Variants in CHST11 observed in about 807,000 individuals in gnomAD.
CHST11 encodes C4S-1.
CHST11 carries 9 observed loss-of-function variants against 30.4 expected under a neutral mutation model. That is an observed-to-expected ratio of 0.30 (90% CI 0.18 to 0.52). CHST11 has a LOEUF of 0.52. Ranked by LOEUF, CHST11 falls within the 20% of genes least tolerant of loss-of-function variation. The pLI is 0.97. For synonymous variants in CHST11, 152 were observed against 187.8 expected, an observed-to-expected ratio of 0.81 and a Z score of 1.56; for missense variants, 348 against 460.6, an observed-to-expected ratio of 0.76 and a Z score of 2.24.
intron 2 of CHST11, among the ~76,000 whole-genome samples, chr12:104,647,332 G>A (rs1016892831): frequency 2.6e-5 from 4 of 152,014 alleles, no homozygotes; most frequent in African/African-American, 9.7e-5. Context: ...CTAAACACTT[G>A]CCTTTGATAT....
At chr12:104,591,054 G>T (rs2038853272) in intron 1 of CHST11, among the ~76,000 whole-genome samples, 2 of 152,210 alleles carry the variant, frequency 1.3e-5, no homozygotes. Context: ...GTAAAGAAGA[G>T]AACAGTTGTT....
chr12:104,604,298 G>C (rs1358111698), intron 2 of CHST11, among the ~76,000 whole-genome samples: 1 of 152,176 alleles, frequency 6.6e-6, no homozygotes, highest in African/African-American at 2.4e-5. Flanking sequence ...GGAGGGCGTA[G>C]GTGGATGAGT....
At chr12:104,726,056 G>T (rs2040214221) in intron 2 of CHST11, among the ~76,000 whole-genome samples, 1 of 152,166 alleles carries the variant, frequency 6.6e-6, no homozygotes, top group Non-Finnish European at 1.5e-5. Context: ...CAAGAACAAG[G>T]CCTATGGTGA....
chr12:104,502,406 G>T (rs780529948), intron 1 of CHST11, among the ~76,000 whole-genome samples: 1 of 152,052 alleles, frequency 6.6e-6, no homozygotes, highest in Non-Finnish European at 1.5e-5. Context: ...ATAATAATTG[G>T]CCAGATGACT....
At chr12:104,483,814 G>T (rs930992359) in intron 1 of CHST11, among the ~76,000 whole-genome samples, 6 of 152,182 alleles carry the variant, frequency 3.9e-5, no homozygotes, top group African/African-American at 1.4e-4. Context: ...AATGACCCAG[G>T]TGAGGCCTGG....
At chr12:104,493,228 C>T (rs1023439186) in intron 1 of CHST11, among the ~76,000 whole-genome samples, 1 of 152,178 alleles carries the variant, frequency 6.6e-6, no homozygotes, top group African/African-American at 2.4e-5. Flanking sequence ...TGGCCTCAGC[C>T]ATTCACATTC....
chr12:104,505,600 A>G (rs2037898008), intron 1 of CHST11, among the ~76,000 whole-genome samples: 1 of 152,214 alleles, frequency 6.6e-6, no homozygotes. Context: ...TCACAGCTGT[A>G]CCATCAACTA....
intron 2 of CHST11, among the ~76,000 whole-genome samples, chr12:104,709,963 G>A (rs964603341): frequency 2.0e-5 from 3 of 152,148 alleles, no homozygotes; most frequent in African/African-American, 4.8e-5. Context: ...TTGGGACACC[G>A]AGGTGGGAGG....
intron 2 of CHST11, among the ~76,000 whole-genome samples, chr12:104,739,335 A>G (rs1242279716): frequency 2.0e-5 from 3 of 152,198 alleles, no homozygotes; most frequent in African/African-American, 7.2e-5. Context: ...TCATTACTAC[A>G]TTGGCCTGAA....
chr12:104,640,484 C>T lies in CHST11; in HGVS notation c.204+38493C>T, dbSNP rs146645077. Among the ~76,000 whole-genome samples the T allele has an allele frequency of 1.4e-3, 218 of 152,250 alleles. 1 individual carries two copies. The highest frequency in any genetic ancestry group is 5.0e-3 in the African/African-American group (207 of 41,538). On this transcript the variant is annotated intron_variant, in intron 2 of 2. Coordinates refer to ENST00000303694, the MANE Select transcript of CHST11 (RefSeq NM_018413.6). ...GAAAGAAGTCAATCTGAAAAGGCTACGTTCTGTATGATTCCAACTATATGA... is the reference window on the plus strand; with the variant it reads ...GAAAGAAGTCAATCTGAAAAGGCTATGTTCTGTATGATTCCAACTATATGA...
chr12:104,515,985 A>T (rs73183802), intron 1 of CHST11, among the ~76,000 whole-genome samples: 307 of 152,330 alleles, frequency 2.0e-3, no homozygotes, highest in Non-Finnish European at 3.9e-3. Context: ...ATCCTGTTTT[A>T]AAAAAATTAT....
At chr12:104,525,153 T>C (rs1178333122) in intron 1 of CHST11, among the ~76,000 whole-genome samples, 2 of 151,042 alleles carry the variant, frequency 1.3e-5, no homozygotes, top group Non-Finnish European at 2.9e-5. Flanking sequence ...TAGGCTGGAA[T>C]GCAGTATCAT....
intron 1 of CHST11, among the ~76,000 whole-genome samples, chr12:104,459,239 G>A (rs979823868): frequency 6.6e-6 from 1 of 151,168 alleles, no homozygotes; most frequent in Non-Finnish European, 1.5e-5. Flanking sequence ...CTTGGTTGCA[G>A]TGGGCAGGGC....
At chr12:104,611,969 G>A (rs999162081) in intron 2 of CHST11, among the ~76,000 whole-genome samples, 1 of 152,198 alleles carries the variant, frequency 6.6e-6, no homozygotes, top group Admixed American at 6.5e-5. Context: ...GGATTAGGGG[G>A]CTGCTTAAGC....
At chr12:104,560,934 C>A (rs1253948772) in intron 1 of CHST11, among the ~76,000 whole-genome samples, 1 of 152,162 alleles carries the variant, frequency 6.6e-6, no homozygotes, top group East Asian at 1.9e-4. Flanking sequence ...CTTCCGGGGA[C>A]AGAGTCTGCA....
At chr12:104,512,165 A>G (rs898549986) in intron 1 of CHST11, among the ~76,000 whole-genome samples, 1 of 152,220 alleles carries the variant, frequency 6.6e-6, no homozygotes, top group Non-Finnish European at 1.5e-5. Context: ...ATTAATAATT[A>G]TTAAGATATA....
Position 104,510,238 on chromosome 12 carries a change from C to T in CHST11, c.118+52709C>T, listed in dbSNP as rs916465795. On this transcript the variant is annotated intron_variant, in intron 1 of 2. Coordinates refer to ENST00000303694, the MANE Select transcript of CHST11 (RefSeq NM_018413.6). ...TAGGCCAAAACATTTTTTTTTACACCTCTATCTGTTTTTCTACTGCTAAAC... is the reference window on the plus strand; with the variant it reads ...TAGGCCAAAACATTTTTTTTTACACTTCTATCTGTTTTTCTACTGCTAAAC... Among the ~76,000 whole-genome samples the T allele has an allele frequency of 9.9e-5, 15 of 151,934 alleles. 1 individual carries two copies. Among genetic ancestry groups the T allele is most frequent in the Admixed American group, 9.8e-4 (15 of 15,256 alleles).
At chr12:104,462,020 A>G (rs1403086443) in intron 1 of CHST11, among the ~76,000 whole-genome samples, 1 of 151,904 alleles carries the variant, frequency 6.6e-6, no homozygotes, top group Non-Finnish European at 1.5e-5. Flanking sequence ...AAAAAAAATT[A>G]GCCGGGCGTG....
At chr12:104,684,449 G>A (rs1450064886) in intron 2 of CHST11, among the ~76,000 whole-genome samples, 4 of 152,226 alleles carry the variant, frequency 2.6e-5, no homozygotes, top group African/African-American at 9.6e-5. Context: ...CTGTAAAAAG[G>A]GGATGGTACA....
Sources: allele counts gnomAD v4.1 joint callset (sites outside exome capture counted in the v4.1 genomes callset), GRCh38; gene constraint gnomAD v4.1.1; transcripts MANE v1.5; gene names NCBI Gene and HGNC (gene_info 2026-07-23, HGNC 2026-07-21).